Variants in LPP observed in about 807,000 individuals in gnomAD.
LPP encodes lipoma-preferred partner.
In LPP, 38 loss-of-function variants were observed where a neutral mutation model predicts 60.4. That is an observed-to-expected ratio of 0.63 (90% CI 0.49 to 0.83). LPP has a LOEUF of 0.83. Ranked by LOEUF, LPP falls within the 40% of genes least tolerant of loss-of-function variation. The pLI, the probability that LPP is intolerant of heterozygous loss-of-function variation, is 0.00. For missense variants in LPP, 902 were observed against 783.6 expected, an observed-to-expected ratio of 1.15 and a Z score of -1.80; for synonymous variants, 328 against 290.8, an observed-to-expected ratio of 1.13 and a Z score of -1.30.
At chr3:188,699,526 G>C (rs892766335) in intron 7 of LPP, among the ~76,000 whole-genome samples, 2 of 152,314 alleles carry the variant, frequency 1.3e-5, no homozygotes, top group South Asian at 4.1e-4. Flanking sequence ...TCAAGATTTC[G>C]AAAGTTGAAG....
intron 9 of LPP, among the ~76,000 whole-genome samples, chr3:188,843,600 A>G (rs1354832245): frequency 1.3e-5 from 2 of 151,292 alleles, no homozygotes; most frequent in African/African-American, 4.8e-5. Context: ...ATCCCGGCTA[A>G]AACGGTGAAA....
At chr3:188,393,684 G>A (rs970506249) in intron 3 of LPP, among the ~76,000 whole-genome samples, 5 of 152,156 alleles carry the variant, frequency 3.3e-5, no homozygotes, top group Admixed American at 6.5e-5. Flanking sequence ...GAATTAAAAC[G>A]ATTCGAAACC....
chr3:188,317,082 A>G (rs1028177603), intron 2 of LPP, among the ~76,000 whole-genome samples: 2 of 152,184 alleles, frequency 1.3e-5, no homozygotes, highest in Admixed American at 6.5e-5. Flanking sequence ...CTGGGTGCCA[A>G]TGGTGTTTCT....
chr3:188,798,971 A>G (rs1283877303), intron 9 of LPP, among the ~76,000 whole-genome samples: 3 of 152,346 alleles, frequency 2.0e-5, no homozygotes, highest in African/African-American at 7.2e-5. Context: ...ACTGTTTGTG[A>G]TGAATAATTA....
At chr3:188,290,040 G>A (rs1745399894) in intron 2 of LPP, among the ~76,000 whole-genome samples, 1 of 151,982 alleles carries the variant, frequency 6.6e-6, no homozygotes, top group African/African-American at 2.4e-5. Flanking sequence ...CCAGGATGGA[G>A]TGCAGTGGCG....
chr3:188,754,907 A>G (rs571058988), intron 8 of LPP, among the ~76,000 whole-genome samples: 1 of 152,336 alleles, frequency 6.6e-6, no homozygotes, highest in African/African-American at 2.4e-5. Flanking sequence ...CTTCAGTGGA[A>G]GATAATTTTT....
At chr3:188,368,425 C>T (rs893827720) in intron 3 of LPP, among the ~76,000 whole-genome samples, 2 of 151,164 alleles carry the variant, frequency 1.3e-5, no homozygotes, top group Non-Finnish European at 2.9e-5. Flanking sequence ...ATTAGCTTTT[C>T]GTTAAGCTGG....
Position 188,721,203 on chromosome 3 carries a change from A to G in LPP, c.1240+12810A>G, listed in dbSNP as rs546453597. Among the ~76,000 whole-genome samples, 4 of 152,242 alleles carry G rather than the reference A, an allele frequency of 2.6e-5. No homozygotes were observed. The South Asian group carries it at 8.3e-4, about 32-fold the overall frequency. Reference sequence around the variant, plus strand: ...TCTATAATTTGATTCTGTGGGTTGAAGTACTAAGTTGCTTCTTTCCTGTAA... The same window carrying G: ...TCTATAATTTGATTCTGTGGGTTGAGGTACTAAGTTGCTTCTTTCCTGTAA... On this transcript the variant is annotated intron_variant, in intron 8 of 11. Transcript: ENST00000617246.
At chr3:188,324,773 C>G (rs1757933474) in intron 2 of LPP, among the ~76,000 whole-genome samples, 1 of 152,144 alleles carries the variant, frequency 6.6e-6, no homozygotes, top group Admixed American at 6.5e-5. Context: ...CACACCCCTC[C>G]CCTTAAGCCA....
At chr3:188,553,470 G>A (rs1304138611) in intron 6 of LPP, among the ~76,000 whole-genome samples, 2 of 152,106 alleles carry the variant, frequency 1.3e-5, no homozygotes, top group Non-Finnish European at 2.9e-5. Context: ...TGTTGGAGCT[G>A]GCATTACCCA....
chr3:188,752,148 C>T (rs567093111), intron 8 of LPP, among the ~76,000 whole-genome samples: 41 of 152,266 alleles, frequency 2.7e-4, no homozygotes, highest in African/African-American at 7.0e-4. Flanking sequence ...TTACCTCCTC[C>T]GAATTTCATA....
intron 6 of LPP, among the ~76,000 whole-genome samples, chr3:188,599,610 T>C (rs1840660549): frequency 6.6e-6 from 1 of 152,140 alleles, no homozygotes; most frequent in African/African-American, 2.4e-5. Flanking sequence ...GTTTTAACTA[T>C]TTCTGGCTCT....
chr3:188,791,790 C>G (rs1743848928), intron 9 of LPP, among the ~76,000 whole-genome samples: 1 of 152,148 alleles, frequency 6.6e-6, no homozygotes. Flanking sequence ...ATATGTCCTG[C>G]TCAGAGCATG....
intron 2 of LPP, among the ~76,000 whole-genome samples, chr3:188,331,363 G>A (rs960560852): frequency 2.0e-4 from 31 of 152,288 alleles, no homozygotes; most frequent in Admixed American, 6.5e-4. Context: ...TCTGACAGAT[G>A]GCTATGTAGC....
chr3:188,640,683 A>G (rs1181075448), intron 7 of LPP, among the ~76,000 whole-genome samples: 1 of 151,964 alleles, frequency 6.6e-6, no homozygotes, highest in Non-Finnish European at 1.5e-5. Flanking sequence ...TCCCATAGCA[A>G]GAGTCTCATT....
intron 6 of LPP, among the ~76,000 whole-genome samples, chr3:188,536,332 C>T (rs575848571): frequency 1.5e-3 from 218 of 149,182 alleles, no homozygotes; most frequent in African/African-American, 5.2e-3. Context: ...TTTTTTTTTG[C>T]GTTTACTGCC....
chr3:188,460,478 G>T (rs530352782), intron 4 of LPP, among the ~76,000 whole-genome samples: 38 of 152,302 alleles, frequency 2.5e-4, no homozygotes, highest in Non-Finnish European at 4.4e-4. Flanking sequence ...AACTTGACTG[G>T]TTCCAGGCGC....
intron 6 of LPP, among the ~76,000 whole-genome samples, chr3:188,604,966 G>A (rs555048539): frequency 6.6e-6 from 1 of 152,236 alleles, no homozygotes; most frequent in South Asian, 2.1e-4. Context: ...AGACAATGGA[G>A]AAGTGCATTG....
In LPP at chr3:188,801,364, A is replaced by G. The variant is rs796101469; in HGVS notation, c.1410+41082A>G. Among the ~76,000 whole-genome samples, 3 of 152,208 alleles carry G rather than the reference A, an allele frequency of 2.0e-5. No individual in the cohort carries two copies. The South Asian group carries it at 6.2e-4, about 31-fold the overall frequency. On this transcript the variant is annotated intron_variant, in intron 9 of 11. Transcript: ENST00000617246. ...ATGCATTCTATATTCTGTAACAGTA[A>G]TATGTATTTTATTATTTATAATAGC...
Sources: allele counts gnomAD v4.1 joint callset (sites outside exome capture counted in the v4.1 genomes callset), GRCh38; gene constraint gnomAD v4.1.1; transcripts MANE v1.5; gene names NCBI Gene and HGNC (gene_info 2026-07-23, HGNC 2026-07-21).